Variants in EXOC4 observed in about 807,000 individuals in gnomAD.
The protein encoded by EXOC4 is SEC8-like 1.
EXOC4 carries 71 observed loss-of-function variants against 107.2 expected under a neutral mutation model. The ratio of observed to expected loss-of-function variants is 0.66; its 90% CI spans 0.55 to 0.81. The LOEUF (loss-of-function observed/expected upper bound fraction) is 0.81, where lower values mean the gene tolerates loss of function less well. Among genes scored for constraint, EXOC4 ranks in the 30% least tolerant of loss-of-function variants. The probability of loss-of-function intolerance (pLI) is 0.00; values close to 1 mark genes in which losing one functional copy is unlikely to be tolerated. For missense variants in EXOC4, 1,108 were observed against 1,189.6 expected (o/e 0.93, Z 1.01); for synonymous variants, 456 against 441.2 (o/e 1.03, Z -0.42).
At chr7:133,286,107 T>A (rs150511292) in intron 2 of EXOC4, among the ~76,000 whole-genome samples, 2 of 152,300 alleles carry the variant, frequency 1.3e-5, no homozygotes, top group East Asian at 3.9e-4. Flanking sequence ...TTTTCTCTAC[T>A]CCATTTGTTT....
chr7:133,484,282 C>A, intron 9 of EXOC4: 1 of 1,092,312 alleles, frequency 9.2e-7, no homozygotes, highest in Non-Finnish European at 1.2e-6. Context: ...CTGCTGTTGG[C>A]AGTTGGGCTG....
At chr7:133,363,835 T>C (rs1382536770) in intron 6 of EXOC4, among the ~76,000 whole-genome samples, 2 of 152,176 alleles carry the variant, frequency 1.3e-5, no homozygotes, top group East Asian at 1.9e-4. Context: ...GCTATTGTTA[T>C]AATAGGAAAG....
intron 13 of EXOC4, among the ~76,000 whole-genome samples, chr7:133,920,718 A>G (rs1364826171): frequency 2.0e-5 from 3 of 152,142 alleles, no homozygotes; most frequent in Non-Finnish European, 4.4e-5. Context: ...GAAAAGGTTT[A>G]TTTTTACCTT....
intron 11 of EXOC4, among the ~76,000 whole-genome samples, chr7:133,862,343 G>A (rs1798551512): frequency 6.6e-6 from 1 of 151,882 alleles, no homozygotes; most frequent in Non-Finnish European, 1.5e-5. Flanking sequence ...AAAAAAATTA[G>A]CCAAGGTGGT....
chr7:134,075,151 T>TA, the EXOC4 span, among the ~76,000 whole-genome samples: 1 of 152,228 alleles, frequency 6.6e-6, no homozygotes, highest in Non-Finnish European at 1.5e-5. Context: ...TCTTTTTTCT[T>TA]ACCTTGCTGG....
intron 16 of EXOC4, among the ~76,000 whole-genome samples, chr7:134,006,835 C>T (rs1170927846): frequency 6.6e-6 from 1 of 152,156 alleles, no homozygotes; most frequent in Non-Finnish European, 1.5e-5. Context: ...CCATATGTGC[C>T]TCACGTTGTT....
intron 7 of EXOC4, among the ~76,000 whole-genome samples, chr7:133,439,251 C>T (rs190107709): frequency 7.7e-6 from 1 of 129,262 alleles, no homozygotes; most frequent in Non-Finnish European, 1.5e-5. Flanking sequence ...GTGGGGCGAT[C>T]TCGGCTTACT....
At chr7:133,761,831 A>T (rs771550059) in intron 10 of EXOC4, among the ~76,000 whole-genome samples, 2 of 152,184 alleles carry the variant, frequency 1.3e-5, no homozygotes, top group Non-Finnish European at 2.9e-5. Context: ...CCTGGGCCCA[A>T]TGATTTTTAC....
chr7:133,705,687 C>T lies in EXOC4; in HGVS notation c.1514+75546C>T, dbSNP rs112844579. ...TACTTGAACAGAAGCACTGCAATACCCGTCTGAGAGTTGACTTCATAATCG... is the reference window on the plus strand; with the variant it reads ...TACTTGAACAGAAGCACTGCAATACTCGTCTGAGAGTTGACTTCATAATCG... On this transcript the variant is annotated intron_variant, in intron 10 of 17. Transcript: ENST00000253861. Among the ~76,000 whole-genome samples the T allele has an allele frequency of 2.3e-3, 353 of 152,252 alleles. 2 individuals carry two copies. Among genetic ancestry groups the T allele is most frequent in the African/African-American group, 8.0e-3 (332 of 41,552 alleles).
intron 10 of EXOC4, among the ~76,000 whole-genome samples, chr7:133,727,960 T>C (rs770065956): frequency 1.3e-5 from 2 of 152,252 alleles, no homozygotes; most frequent in Non-Finnish European, 2.9e-5. Context: ...TGAATTTCTT[T>C]CTTTTTTATT....
intron 1 of EXOC4, among the ~76,000 whole-genome samples, chr7:133,270,317 C>T (rs1344785838): frequency 6.6e-6 from 1 of 152,128 alleles, no homozygotes; most frequent in Non-Finnish European, 1.5e-5. Context: ...CAGGTACCTA[C>T]CTCATAAGGA....
chr7:133,898,790 C>T (rs1173983116), intron 12 of EXOC4, among the ~76,000 whole-genome samples: 1 of 145,804 alleles, frequency 6.9e-6, no homozygotes, highest in Non-Finnish European at 1.5e-5. Context: ...CCAGCCTGGC[C>T]AACATGGTGA....
chr7:133,353,350 C>T lies in EXOC4; in HGVS notation c.764-2980C>T, dbSNP rs200205574. Among the ~76,000 whole-genome samples, 103 of 152,188 alleles carry T rather than the reference C, an allele frequency of 6.8e-4. 1 individual carries two copies. Among genetic ancestry groups the T allele is most frequent in the African/African-American group, 2.4e-3 (99 of 41,556 alleles). The stretch of plus-strand genomic sequence containing the variant: ...ACTGAAATCCTGTAGCTTTTGTTTA[C>T]TTGGCAATGTCTTAATTTTTCCCAA... On this transcript the variant is annotated intron_variant, in intron 5 of 17. Transcript: ENST00000253861.
chr7:133,383,492 G>A (rs1035922941), intron 7 of EXOC4, among the ~76,000 whole-genome samples: 1 of 152,000 alleles, frequency 6.6e-6, no homozygotes, highest in Admixed American at 6.6e-5. Flanking sequence ...ATGTAAAATC[G>A]TTTTACTTTT....
chr7:133,873,296 A>G (rs1798786478), intron 11 of EXOC4, among the ~76,000 whole-genome samples: 1 of 152,176 alleles, frequency 6.6e-6, no homozygotes, highest in African/African-American at 2.4e-5. Flanking sequence ...AACAATCACA[A>G]CGGTCAAACG....
At chr7:133,454,265 T>C (rs576232935) in intron 7 of EXOC4, among the ~76,000 whole-genome samples, 1 of 152,228 alleles carries the variant, frequency 6.6e-6, no homozygotes, top group Non-Finnish European at 1.5e-5. Context: ...TATTATATTT[T>C]AAATAATTTC....
chr7:133,371,258 T>A (rs1450073046), intron 6 of EXOC4, among the ~76,000 whole-genome samples: 2 of 152,210 alleles, frequency 1.3e-5, no homozygotes, highest in Non-Finnish European at 2.9e-5. Flanking sequence ...TATAATTCAC[T>A]GCTGCACGAT....
intron 17 of EXOC4, among the ~76,000 whole-genome samples, chr7:134,016,237 A>G (rs1465973902): frequency 6.6e-6 from 1 of 152,162 alleles, no homozygotes; most frequent in Non-Finnish European, 1.5e-5. Context: ...CTTGAGGGAA[A>G]GGCCGGGAGT....
intron 14 of EXOC4, among the ~76,000 whole-genome samples, chr7:133,991,635 A>T (rs1794263420): frequency 6.6e-6 from 1 of 152,196 alleles, no homozygotes; most frequent in Non-Finnish European, 1.5e-5. Flanking sequence ...TTAATAAGTT[A>T]AAAAATGAGC....
Sources: gnomAD v4.1 joint callset for allele counts (sites outside exome capture counted in the v4.1 genomes callset) on GRCh38, gnomAD v4.1.1 for gene constraint, MANE v1.5 for transcripts, NCBI Gene and HGNC (gene_info 2026-07-23, HGNC 2026-07-21) for gene names.